The following SV2C variants were observed in gnomAD, a reference collection of about 807,000 sequenced individuals.
SV2C encodes the protein synaptic vesicle glycoprotein 2C, also known as solute carrier family 22 member B3.
Under a neutral mutation model 79.7 loss-of-function variants are expected in SV2C, and 49 were observed. The ratio of observed to expected loss-of-function variants is 0.61; its 90% confidence interval spans 0.49 to 0.78. The LOEUF (loss-of-function observed/expected upper bound fraction) is 0.78. SV2C is among the 30% of genes least tolerant of loss of function. The probability of loss-of-function intolerance (pLI) is 0.00; values close to 1 mark genes in which losing one functional copy is unlikely to be tolerated. For synonymous variants in SV2C, 334 were observed against 333.2 expected (o/e 1.00, Z -0.03); for missense variants, 833 against 912.9 (o/e 0.91, Z 1.13).
chr5:76,156,278 T>A (rs1379907492), intron 2 of SV2C, among the ~76,000 whole-genome samples: 2 of 152,180 alleles, frequency 1.3e-5, no homozygotes, highest in Non-Finnish European at 2.9e-5. Context: ...TTAGGGTAGC[T>A]GTGGACATAC....
In SV2C at chr5:76,285,337, T is replaced by C. The variant is rs528987745; in HGVS notation, c.1047+42T>C. The C allele has an allele frequency of 1.0e-5, 16 of 1,605,050 alleles. No individual in the cohort carries two copies. In the African/African-American group the frequency reaches 1.5e-4, roughly 15 times the overall value. ...CAGATACTCAGGTAGCCCACCTCTATTGGAAAAAGTTCCTTGTTAATTCTA... is the reference window on the plus strand; with the variant it reads ...CAGATACTCAGGTAGCCCACCTCTACTGGAAAAAGTTCCTTGTTAATTCTA... On this transcript the variant is annotated intron_variant, in intron 5 of 12. Transcript: ENST00000502798.
At chr5:75,937,238 G>T in the SV2C span, among the ~76,000 whole-genome samples, 1 of 152,134 alleles carries the variant, frequency 6.6e-6, no homozygotes, top group Non-Finnish European at 1.5e-5. Context: ...ATGCCTTAGT[G>T]AATTGTCATA....
intron 1 of SV2C, among the ~76,000 whole-genome samples, chr5:76,125,026 A>G (rs913823648): frequency 3.3e-5 from 5 of 152,200 alleles, no homozygotes; most frequent in African/African-American, 1.2e-4. Context: ...AGATTTCACT[A>G]ATCTGGGGTT....
the SV2C span, chr5:76,075,677 C>T: frequency 2.9e-6 from 1 of 339,380 alleles, no homozygotes; most frequent in Non-Finnish European, 6.1e-6. Flanking sequence ...AATTAACTGA[C>T]TAGATTAGTA....
rs1749235504 is a variant in SV2C at position 76,333,281 on chromosome 5, A to G, written c.*7734A>G. The G allele has an allele frequency of 6.6e-6, 1 of 152,232 alleles. No individual in the cohort carries two copies. Among genetic ancestry groups the G allele is most frequent in the African/African-American group, 2.4e-5 (1 of 41,448 alleles). 9.4% of individuals were successfully genotyped at this position (152,232 alleles called of 1,614,324 possible). A position where few individuals can be genotyped will look rare whatever the true frequency, so the allele number is the denominator to read the frequency against. ...AGAAGAAAAAAGAAATGTCTTTTTT[A>G]ATATACACTTTCTTAGCATCCATGC... On this transcript the variant is annotated 3_prime_UTR_variant, in exon 13 of 13. Transcript: ENST00000502798.
the SV2C span, among the ~76,000 whole-genome samples, chr5:76,024,913 T>C: frequency 2.3e-4 from 35 of 152,166 alleles, no homozygotes; most frequent in African/African-American, 7.5e-4. Context: ...GGGTCAACTG[T>C]ATGGAATCTA....
At chr5:76,014,573 G>A in the SV2C span, among the ~76,000 whole-genome samples, 1 of 152,096 alleles carries the variant, frequency 6.6e-6, no homozygotes, top group African/African-American at 2.4e-5. Context: ...CCATTAAGAT[G>A]AGGCAGACTA....
At chr5:76,006,037 C>G in the SV2C span, among the ~76,000 whole-genome samples, 3 of 152,172 alleles carry the variant, frequency 2.0e-5, no homozygotes, top group Non-Finnish European at 2.9e-5. Flanking sequence ...CGTCTGTTTC[C>G]TCAACCACGG....
At chr5:76,311,853 CT>C (rs941277263) in intron 12 of SV2C, among the ~76,000 whole-genome samples, 2 of 152,172 alleles carry the variant, frequency 1.3e-5, no homozygotes, top group Non-Finnish European at 2.9e-5. Context: ...TTTCAACCCT[CT>C]TTGCGGTAGA....
the SV2C span, among the ~76,000 whole-genome samples, chr5:75,905,380 T>C: frequency 1.3e-5 from 2 of 152,190 alleles, no homozygotes; most frequent in Non-Finnish European, 2.9e-5. Flanking sequence ...TCAAAGCATC[T>C]AGAAAGCAGT....
At chr5:75,892,128 A>G in the SV2C span, among the ~76,000 whole-genome samples, 8 of 151,622 alleles carry the variant, frequency 5.3e-5, no homozygotes, top group Non-Finnish European at 1.2e-4. Flanking sequence ...TTGCACTGAA[A>G]CTCCAGCTCT....
chr5:76,093,702 A>G (rs1468968113), intron 1 of SV2C, among the ~76,000 whole-genome samples: 1 of 152,280 alleles, frequency 6.6e-6, no homozygotes, highest in East Asian at 1.9e-4. Flanking sequence ...AGCCGCAGTG[A>G]TCTGGATAAA....
Position 76,301,495 on chromosome 5 carries a change from C to T in SV2C, c.1950C>T (p.Ala650=), listed in dbSNP as rs776733193. The change falls in exon 12 of 13, where the codon GCC becomes GCT. Residue 650 remains alanine (A), a synonymous_variant. Transcript: ENST00000502798. ...LCLYNGLTIS[A]WNSLDVVTVE... ...TGTACAATGGATTGACCATCTCAGC[C>T]TGGAACTCTCTTGACGTGGTCACTG... The T allele has an allele frequency of 2.4e-5, 38 of 1,613,952 alleles. No homozygotes were observed. Among genetic ancestry groups the T allele is most frequent in the Non-Finnish European group, 3.2e-5 (38 of 1,180,002 alleles).
the SV2C span, among the ~76,000 whole-genome samples, chr5:75,928,618 C>A: frequency 1.3e-5 from 2 of 152,082 alleles, no homozygotes; most frequent in African/African-American, 4.8e-5. Context: ...ATATAATCCC[C>A]AAAATGATTA....
the SV2C span, among the ~76,000 whole-genome samples, chr5:75,982,937 C>T: frequency 6.6e-5 from 10 of 152,036 alleles, no homozygotes; most frequent in South Asian, 4.2e-4. Flanking sequence ...CACTTAGAGG[C>T]GAACAACACA....
At chr5:75,901,199 T>C in the SV2C span, among the ~76,000 whole-genome samples, 2 of 152,318 alleles carry the variant, frequency 1.3e-5, no homozygotes, top group African/African-American at 4.8e-5. Context: ...CTCTGTTTTT[T>C]CCCCATCTTT....
intron 4 of SV2C, among the ~76,000 whole-genome samples, chr5:76,238,015 C>T (rs1315892623): frequency 2.1e-5 from 3 of 139,972 alleles, no homozygotes; most frequent in Admixed American, 7.6e-5. Flanking sequence ...TACATATACA[C>T]ACAATCACAC....
the SV2C span, among the ~76,000 whole-genome samples, chr5:76,061,410 C>T: frequency 1.3e-5 from 2 of 150,920 alleles, no homozygotes; most frequent in African/African-American, 4.9e-5. Flanking sequence ...TCATGACAAA[C>T]AGTGAATCAC....
At chr5:76,107,129 C>A (rs555361706) in intron 1 of SV2C, among the ~76,000 whole-genome samples, 5 of 152,124 alleles carry the variant, frequency 3.3e-5, no homozygotes, top group African/African-American at 1.2e-4. Context: ...AATCCAATGG[C>A]AAAATATACA....
Sources: allele counts gnomAD v4.1 joint callset (sites outside exome capture counted in the v4.1 genomes callset), GRCh38; gene constraint gnomAD v4.1.1; transcripts MANE v1.5; gene names NCBI Gene and HGNC (gene_info 2026-07-23, HGNC 2026-07-21).